TRMT9B: variants seen among roughly 807,000 people sequenced by gnomAD.
The protein encoded by TRMT9B is tRNA methyltransferase 9B (putative), also known as probable tRNA methyltransferase 9B.
TRMT9B carries 16 observed loss-of-function variants against 11.5 expected under a neutral mutation model. That is an observed-to-expected ratio of 1.39 (90% confidence interval 0.94 to 2.11). TRMT9B has a LOEUF of 2.11. Among genes scored for constraint, TRMT9B ranks in the 30% most tolerant of loss-of-function variants. The pLI, the probability that TRMT9B is intolerant of heterozygous loss-of-function variation, is 0.00. For synonymous variants in TRMT9B, 274 were observed against 192.4 expected, an observed-to-expected ratio of 1.42 and a Z score of -3.51; for missense variants, 941 against 553.8, an observed-to-expected ratio of 1.70 and a Z score of -7.02.
At chr8:12,977,258 C>T (rs992955089) in intron 1 of TRMT9B, among the ~76,000 whole-genome samples, 9 of 152,122 alleles carry the variant, frequency 5.9e-5, no homozygotes, top group African/African-American at 2.2e-4. Flanking sequence ...CGATGGAGCA[C>T]TCAGCAGTGC....
At chr8:12,951,517 G>A (rs1337224274) in intron 1 of TRMT9B, 1 of 152,232 alleles carries the variant, frequency 6.6e-6, no homozygotes, top group Non-Finnish European at 1.5e-5. Flanking sequence ...TCCCCGGCGG[G>A]GCGGGCGCGG....
chr8:12,991,402 A>G (rs1412450355), intron 2 of TRMT9B, among the ~76,000 whole-genome samples: 4 of 152,226 alleles, frequency 2.6e-5, no homozygotes, highest in Non-Finnish European at 1.5e-5. Context: ...AAAGCTATGC[A>G]TTTTGTAATT....
intron 1 of TRMT9B, chr8:12,969,912 G>A (rs1428234243): frequency 1.4e-5 from 2 of 139,972 alleles, no homozygotes; most frequent in Middle Eastern, 7.9e-3. Context: ...GTCTCAAACT[G>A]ACCTCAAGCC....
chr8:12,952,801 ACG>A, intron 1 of TRMT9B: 1 of 478,096 alleles, frequency 2.1e-6, no homozygotes, highest in East Asian at 1.5e-4. Context: ...GTGCAATGGC[ACG>A]ATCTCGGCTC....
At chr8:12,994,487 C>G (rs898848398) in intron 2 of TRMT9B, among the ~76,000 whole-genome samples, 9 of 152,276 alleles carry the variant, frequency 5.9e-5, no homozygotes, top group Admixed American at 4.6e-4. Context: ...CGGTAGCGCT[C>G]AGCTCTTCAA....
Position 13,021,353 on chromosome 8 carries a change from G to A in TRMT9B, c.674G>A (p.Cys225Tyr), listed in dbSNP as rs2128903226. Reference sequence around the variant, plus strand: ...TATGAACCTGCTATGGCAAGAACCTGTTTTGCAAATATTTCTAAGGAAGGC... The same window carrying A: ...TATGAACCTGCTATGGCAAGAACCTATTTTGCAAATATTTCTAAGGAAGGC... ...VGYEPAMARTCFANISKEGEE... is the reference protein window; with the variant it reads ...VGYEPAMARTYFANISKEGEE... The change falls in exon 5 of 5, where the codon TGT (cysteine) becomes TAT (tyrosine). Residue 225 changes from cysteine to tyrosine, a missense_variant. By Grantham distance (194) the Cys-to-Tyr change is radical. Transcript: ENST00000524591. The A allele has an allele frequency of 1.2e-6, 2 of 1,614,036 alleles. No homozygotes were observed. Among genetic ancestry groups the A allele is most frequent in the East Asian group, 2.2e-5 (1 of 44,886 alleles).
chr8:13,009,409 G>A (rs975733753), intron 3 of TRMT9B, among the ~76,000 whole-genome samples: 3 of 152,164 alleles, frequency 2.0e-5, no homozygotes, highest in African/African-American at 4.8e-5. Context: ...GGTTCAAAAT[G>A]TGTAAAAGTA....
chr8:12,964,968 C>G (rs368556635), intron 1 of TRMT9B, among the ~76,000 whole-genome samples: 1 of 151,980 alleles, frequency 6.6e-6, no homozygotes, highest in South Asian at 2.1e-4. Context: ...ATATGAAAAC[C>G]GAAAAAATTA....
At chr8:12,954,723 C>T (rs1801077188) in intron 1 of TRMT9B, among the ~76,000 whole-genome samples, 1 of 152,228 alleles carries the variant, frequency 6.6e-6, no homozygotes, top group Admixed American at 6.5e-5. Context: ...GCTTTTGTGA[C>T]TCACTTCTTT....
At chr8:12,953,442 C>G (rs1412445852) in intron 1 of TRMT9B, among the ~76,000 whole-genome samples, 3 of 152,084 alleles carry the variant, frequency 2.0e-5, no homozygotes, top group Non-Finnish European at 2.9e-5. Context: ...TTCCGTCTCC[C>G]GAGTTCAACC....
intron 1 of TRMT9B, among the ~76,000 whole-genome samples, chr8:12,958,144 T>C (rs1030296814): frequency 9.9e-5 from 15 of 152,242 alleles, no homozygotes; most frequent in African/African-American, 2.7e-4. Flanking sequence ...GGTTCATCCA[T>C]GTTATAGTGT....
rs193160641 is a variant in TRMT9B, at chr8:13,003,921, G to T, written c.-1-2281G>T. On this transcript the variant is annotated intron_variant, in intron 2 of 4. Coordinates refer to ENST00000524591, the MANE Select transcript of TRMT9B (RefSeq NM_020844.3). ...AGAAGAGGGTGAGCAAGACAGTCTT[G>T]ATATGCCCATGCCATCCCTCCTCCA... Among the ~76,000 whole-genome samples, 407 of 151,270 alleles carry T rather than the reference G, an allele frequency of 2.7e-3. 1 individual carries two copies. The highest frequency in any genetic ancestry group is 9.2e-3 in the African/African-American group (378 of 41,260).
intron 2 of TRMT9B, among the ~76,000 whole-genome samples, chr8:12,997,927 C>T (rs2466259): frequency 0.79 from 120,149 of 151,816 alleles, 47,675 homozygotes; most frequent in Middle Eastern, 0.86. Flanking sequence ...TTTGTGTTTT[C>T]CATTTTACCC....
Position 13,029,288 on chromosome 8 carries a change from A to T in TRMT9B, c.*7244A>T, listed in dbSNP as rs1379891130. 6.0e-6 allele frequency: 1 copy of T among 166,996 alleles called. No homozygotes were observed. The highest frequency in any genetic ancestry group is 2.4e-5 in the African/African-American group (1 of 41,450). The allele number at this position is 166,996 out of a possible 1,614,324, so 10.3% of individuals were successfully genotyped here. Reference sequence around the variant, plus strand: ...GTGTATTTGGGTCAAAAGTGCAAAAACTTTTTTCTACAATGTACAGTTATT... The same window carrying T: ...GTGTATTTGGGTCAAAAGTGCAAAATCTTTTTTCTACAATGTACAGTTATT... On this transcript the variant is annotated 3_prime_UTR_variant, in exon 5 of 5. Coordinates refer to ENST00000524591, the MANE Select transcript of TRMT9B (RefSeq NM_020844.3).
chr8:12,981,074 T>C (rs748594591), intron 1 of TRMT9B, among the ~76,000 whole-genome samples: 46 of 152,184 alleles, frequency 3.0e-4, no homozygotes, highest in Non-Finnish European at 5.4e-4. Context: ...GTTTTGTTTT[T>C]TTGTTTGTTT....
intron 1 of TRMT9B, among the ~76,000 whole-genome samples, chr8:12,956,112 C>G (rs1801270430): frequency 1.3e-5 from 2 of 152,234 alleles, no homozygotes; most frequent in African/African-American, 4.8e-5. Context: ...TGCAAGAACA[C>G]TGTGCCCAGA....
Position 13,021,167 on chromosome 8 carries a change from CT to C in TRMT9B, c.489del (p.Leu164CysfsTer80). 1 of 1,613,856 alleles carries C rather than the reference CT, an allele frequency of 6.2e-7. No homozygotes were observed. Among genetic ancestry groups the C allele is most frequent in the Non-Finnish European group, 8.5e-7 (1 of 1,179,812 alleles). ...GACGTGCTTGTTCCATGGAACAGGGCTCTGTGTTCCCAGCTCTTCTCAGAGT... is the reference window on the plus strand; with the variant it reads ...GACGTGCTTGTTCCATGGAACAGGGCCTGTGTTCCCAGCTCTTCTCAGAGT... ...KQDVLVPWNR[A>X]LCSQLFSESS... On this transcript the variant is annotated frameshift_variant, in exon 5 of 5. Transcript: ENST00000524591. LOFTEE classifies it low-confidence loss of function (END_TRUNC).
At chr8:13,020,298 C>G (rs544517124) in intron 4 of TRMT9B, among the ~76,000 whole-genome samples, 1 of 152,344 alleles carries the variant, frequency 6.6e-6, no homozygotes, top group East Asian at 1.9e-4. Context: ...CAAAAACTAA[C>G]AGACTAGCAC....
rs1220856986 is a variant in TRMT9B at position 13,024,723 on chromosome 8, C to T, written c.*2679C>T. The T allele has an allele frequency of 6.0e-6, 1 of 167,016 alleles. No individual in the cohort carries two copies. Among genetic ancestry groups the T allele is most frequent in the African/African-American group, 2.4e-5 (1 of 41,460 alleles). The allele number at this position is 167,016 out of a possible 1,614,324, so 10.3% of individuals were successfully genotyped here. On this transcript the variant is annotated 3_prime_UTR_variant, in exon 5 of 5. Transcript: ENST00000524591. ...CTTTGGAGAGAAATATTTTCATGTA[C>T]GTTTGACAGGGGTGTAAATAAAGCA...
Sources: gnomAD v4.1 joint callset for allele counts (sites outside exome capture counted in the v4.1 genomes callset) on GRCh38, gnomAD v4.1.1 for gene constraint, MANE v1.5 for transcripts, NCBI Gene and HGNC (gene_info 2026-07-23, HGNC 2026-07-21) for gene names.